The following FAM3B variants were observed in gnomAD, a reference collection of about 807,000 sequenced individuals.
The protein encoded by FAM3B is FAM3 metabolism regulating signaling molecule B, also known as protein FAM3B.
In FAM3B, 29 loss-of-function variants were observed where a neutral mutation model predicts 28.4. That is an observed-to-expected ratio of 1.02 (90% CI 0.76 to 1.39). The LOEUF (loss-of-function observed/expected upper bound fraction) is 1.39, where lower values mean the gene tolerates loss of function less well. Ranked by LOEUF, FAM3B falls within the 40% of genes most tolerant of loss-of-function variation. The pLI is 0.00. For missense variants in FAM3B, 266 were observed against 293.9 expected (o/e 0.91, Z 0.69); for synonymous variants, 91 against 103.0 (o/e 0.88, Z 0.71).
At chr21:41,321,385 G>A (rs984304466) in intron 1 of FAM3B, among the ~76,000 whole-genome samples, 1 of 152,210 alleles carries the variant, frequency 6.6e-6, no homozygotes, top group Non-Finnish European at 1.5e-5. Flanking sequence ...GAGCCCGGGA[G>A]TGCAGCGCCC....
intron 1 of FAM3B, among the ~76,000 whole-genome samples, chr21:41,304,533 G>A (rs1248051750): frequency 6.6e-6 from 1 of 152,194 alleles, no homozygotes; most frequent in African/African-American, 2.4e-5. Flanking sequence ...TAGGAGACCC[G>A]AGCCTGGCAC....
At chr21:41,333,613 A>T (rs1263810024) in intron 2 of FAM3B, among the ~76,000 whole-genome samples, 2 of 152,210 alleles carry the variant, frequency 1.3e-5, no homozygotes, top group Non-Finnish European at 2.9e-5. Flanking sequence ...AGACAATTAA[A>T]ACCCTTTTCT....
chr21:41,343,348 C>T (rs756056985), intron 3 of FAM3B, among the ~76,000 whole-genome samples: 1 of 152,208 alleles, frequency 6.6e-6, no homozygotes, highest in Non-Finnish European at 1.5e-5. Flanking sequence ...CTTATTTGGT[C>T]TCTAACGTAT....
At chr21:41,308,372 A>T (rs2088692360) in intron 1 of FAM3B, among the ~76,000 whole-genome samples, 1 of 152,188 alleles carries the variant, frequency 6.6e-6, no homozygotes, top group African/African-American at 2.4e-5. Flanking sequence ...ATGAGGGCAG[A>T]AGTAGAGGTT....
At chr21:41,337,585 C>A (rs937544737) in intron 2 of FAM3B, among the ~76,000 whole-genome samples, 5 of 152,092 alleles carry the variant, frequency 3.3e-5, no homozygotes, top group African/African-American at 9.7e-5. Context: ...AGTGGGTCAG[C>A]TGTGGTGGTC....
chr21:41,337,382 G>A (rs2088964895), intron 2 of FAM3B, among the ~76,000 whole-genome samples: 1 of 152,214 alleles, frequency 6.6e-6, no homozygotes, highest in South Asian at 2.1e-4. Context: ...TGTGGGGGCT[G>A]TGGGGGCATG....
In FAM3B at chr21:41,323,130, G is replaced by A; in HGVS notation, c.163+64G>A. On this transcript the variant is annotated intron_variant, in intron 2 of 7. Transcript: ENST00000357985. ...CTTGTGTGCAGAGGGAGGAGTGGTG[G>A]TTTCTGTCCCAGCTGGAGGCTGGGG... is the stretch of plus-strand genomic sequence containing the variant. 2.5e-6 allele frequency: 4 copies of A among 1,582,004 alleles called. No homozygotes were observed. The South Asian group carries it at 4.5e-5, about 18-fold the overall frequency.
intron 1 of FAM3B, among the ~76,000 whole-genome samples, chr21:41,322,309 C>T (rs937167110): frequency 6.6e-6 from 1 of 152,144 alleles, no homozygotes; most frequent in Admixed American, 6.6e-5. Flanking sequence ...GATATCTCCA[C>T]GGACTTTCTG....
intron 2 of FAM3B, among the ~76,000 whole-genome samples, chr21:41,335,626 G>T (rs2088949184): frequency 6.6e-6 from 1 of 152,194 alleles, no homozygotes; most frequent in African/African-American, 2.4e-5. Context: ...TTTACAGCCT[G>T]CAGAACCATG....
Position 41,316,857 on chromosome 21 carries a change from AG to A in FAM3B, c.-21del. Reference sequence around the variant, plus strand: ...TCGCCTGGGAGCTGCCGCCAGGGCCAGGAGGGGAGCGGCACCTGGAAGATGC... The same window carrying A: ...TCGCCTGGGAGCTGCCGCCAGGGCCAGAGGGGAGCGGCACCTGGAAGATGC... On this transcript the variant is annotated 5_prime_UTR_variant, in exon 1 of 8. Coordinates refer to ENST00000357985, the MANE Select transcript of FAM3B (RefSeq NM_058186.4). The A allele has an allele frequency of 1.5e-5, 21 of 1,434,618 alleles. No individual in the cohort carries two copies. Among genetic ancestry groups the A allele is most frequent in the Non-Finnish European group, 1.9e-5 (21 of 1,096,856 alleles). 88.9% of individuals were successfully genotyped at this position (1,434,618 alleles called of 1,614,324 possible).
intron 2 of FAM3B, among the ~76,000 whole-genome samples, chr21:41,324,155 A>C (rs2088835567): frequency 6.6e-6 from 1 of 152,234 alleles, no homozygotes; most frequent in Non-Finnish European, 1.5e-5. Flanking sequence ...TCAGGGGGAC[A>C]CATTCAGTCC....
At chr21:41,324,982 A>G (rs573691367) in intron 2 of FAM3B, among the ~76,000 whole-genome samples, 68 of 152,228 alleles carry the variant, frequency 4.5e-4, no homozygotes, top group Admixed American at 1.3e-3. Context: ...GGTGCCTGTA[A>G]TCCCAGCTAC....
Position 41,357,355 on chromosome 21 carries a change from G to A in FAM3B, c.*158G>A, listed in dbSNP as rs977634992. 16 of 449,804 alleles carry A rather than the reference G, an allele frequency of 3.6e-5. No homozygotes were observed. The highest frequency in any genetic ancestry group is 1.5e-4 in the South Asian group (4 of 26,992). The allele number at this position is 449,804 out of a possible 1,614,324, so 27.9% of individuals were successfully genotyped here. On this transcript the variant is annotated 3_prime_UTR_variant, in exon 8 of 8. Transcript: ENST00000357985. ...TGCTAGTTGTATCAAATCTTGGTAC[G>A]CAGTATTTTTATACCAGTATTTTAT...
At chr21:41,313,074 G>C (rs943476642), upstream of FAM3B, among the ~76,000 whole-genome samples, 2 of 152,194 alleles carry the variant, frequency 1.3e-5, no homozygotes, top group Admixed American at 6.5e-5. Flanking sequence ...CTGAAAGCAG[G>C]CTTCTCGAGG....
intron 2 of FAM3B, among the ~76,000 whole-genome samples, chr21:41,329,967 A>T (rs1345999651): frequency 6.9e-6 from 1 of 145,106 alleles, no homozygotes; most frequent in African/African-American, 2.4e-5. Context: ...CAGTAAATAC[A>T]GTAAGATATT....
chr21:41,344,758 A>T (rs1015022943), intron 4 of FAM3B, among the ~76,000 whole-genome samples: 2 of 152,192 alleles, frequency 1.3e-5, no homozygotes, highest in Non-Finnish European at 2.9e-5. Context: ...ACTTTATTTT[A>T]AAAAAAGAAA....
intron 7 of FAM3B, among the ~76,000 whole-genome samples, chr21:41,354,502 A>G (rs1311750521): frequency 6.6e-6 from 1 of 152,216 alleles, no homozygotes; most frequent in Non-Finnish European, 1.5e-5. Context: ...TGCAGCCATA[A>G]AAAAGAATGA....
At chr21:41,330,397 A>G (rs192144113) in intron 2 of FAM3B, among the ~76,000 whole-genome samples, 2 of 152,318 alleles carry the variant, frequency 1.3e-5, no homozygotes, top group East Asian at 3.9e-4. Flanking sequence ...TGGTATATAT[A>G]GGGTTCTGTA....
At chr21:41,346,650 G>A (rs181405739) in intron 5 of FAM3B, among the ~76,000 whole-genome samples, 106 of 152,098 alleles carry the variant, frequency 7.0e-4, no homozygotes, top group African/African-American at 1.9e-3. Context: ...CTTGTTAAGA[G>A]TTTGGTGATC....
Sources: gnomAD v4.1 joint callset for allele counts (sites outside exome capture counted in the v4.1 genomes callset) on GRCh38, gnomAD v4.1.1 for gene constraint, MANE v1.5 for transcripts, NCBI Gene and HGNC (gene_info 2026-07-23, HGNC 2026-07-21) for gene names.